The following ACADVL variants were observed in gnomAD, a reference collection of about 807,000 sequenced individuals.
ACADVL encodes the protein very long-chain acyl-CoA dehydrogenase, mitochondrial.
In ACADVL, 73 loss-of-function variants were observed where a neutral mutation model predicts 80.4. The ratio of observed to expected loss-of-function variants is 0.91; its 90% CI spans 0.75 to 1.10. The LOEUF is 1.10. Ranked by LOEUF, ACADVL falls within the 50% of genes least tolerant of loss-of-function variation. The pLI is 0.00. For missense variants in ACADVL, 878 were observed against 858.9 expected, an observed-to-expected ratio of 1.02 and a Z score of -0.28; for synonymous variants, 392 against 326.5, an observed-to-expected ratio of 1.20 and a Z score of -2.16.
At chr17:7,222,485 C>A in intron 9 of ACADVL, 182 bp from the exon 10 acceptor site, 2 of 1,168,318 alleles carry the variant, frequency 1.7e-6, no homozygotes, top group South Asian at 1.5e-5. Flanking sequence ...CCAAGTCCAA[C>A]ACAAAATAGG....
Position 7,220,850 on chromosome 17 carries a change from T to G in ACADVL, c.342+20T>G, listed in dbSNP as rs774230047. 6.2e-7 allele frequency: 1 copy of G among 1,614,060 alleles called. No individual in the cohort carries two copies. Among genetic ancestry groups the G allele is most frequent in the Admixed American group, 1.7e-5 (1 of 60,024 alleles). ...TTCGAGGTAAGGAATGACTCGGGGC[T>G]TGGTCCCTGGTGAGGTGTTTGGAGA... is the stretch of plus-strand genomic sequence containing the variant. On this transcript the variant is annotated intron_variant, in intron 5 of 19. Transcript: ENST00000356839.
upstream of ACADVL, chr17:7,219,663 C>T: frequency 1.5e-6 from 2 of 1,305,778 alleles, no homozygotes; most frequent in East Asian, 3.5e-5. Flanking sequence ...ACCTCCATCC[C>T]TCTGGCTGCA....
chr17:7,219,719 C>T, upstream of ACADVL: 1 of 1,414,704 alleles, frequency 7.1e-7, no homozygotes, highest in Non-Finnish European at 9.2e-7. Flanking sequence ...TCCCATCACC[C>T]CGTCGGAGGA....
At chr17:7,224,605 T>TGCCCCC in intron 17 of ACADVL, 37 bp from the exon 18 acceptor site, 4 of 1,572,994 alleles carry the variant, frequency 2.5e-6, no homozygotes, top group Non-Finnish European at 3.4e-6. Flanking sequence ...TTGAGACTAA[T>TGCCCCC]GCCCCCACCC....
chr17:7,222,610 TC>T (rs1567565145), intron 9 of ACADVL, 56 bp from the exon 10 acceptor site: 2 of 1,520,100 alleles, frequency 1.3e-6, no homozygotes, highest in Admixed American at 3.8e-5. Flanking sequence ...GAGCAGTTTT[TC>T]CCCCAGTGAC....
chr17:7,220,195 C>G lies in ACADVL; in HGVS notation c.136C>G (p.Gln46Glu), dbSNP rs1439614490. The G allele has an allele frequency of 6.5e-7, 1 of 1,532,336 alleles. No homozygotes were observed. The highest frequency in any genetic ancestry group is 8.7e-7 in the Non-Finnish European group (1 of 1,145,576). 94.9% of individuals were successfully genotyped at this position (1,532,336 alleles called of 1,614,324 possible). Residue 46 changes from glutamine to glutamate, a missense_variant and splice_region_variant, in exon 2 of 20, where the codon CAG (glutamine) becomes GAG (glutamate). Gln to Glu is a conservative substitution (Grantham distance 29). Transcript: ENST00000356839. The part of the protein sequence containing the change: ...ARRPYAGGAA[Q>E]LALDKSDSHP... The stretch of plus-strand genomic sequence containing the variant: ...GCGGCCCTATGCCGGGGGTGCCGCT[C>G]AGGTAAGTCACCGCAGCCTTGGCAA...
intron 6 of ACADVL, chr17:7,221,295 C>A: frequency 1.1e-6 from 1 of 923,824 alleles, no homozygotes; most frequent in South Asian, 1.6e-5. Flanking sequence ...TTGGGGATTG[C>A]CTAACAATAG....
rs759999095 is a variant in ACADVL at position 7,222,083 on chromosome 17, C to T, written c.752+2C>T. The T allele has an allele frequency of 6.2e-7, 1 of 1,614,162 alleles. No homozygotes were observed. Among genetic ancestry groups the T allele is most frequent in the Admixed American group, 1.7e-5 (1 of 60,026 alleles). The stretch of plus-strand genomic sequence containing the variant: ...CAATGGAAGCAAGCTTTGGATCAGG[C>T]AACCTGCCTCCCATTTCTCCCCTTC... On this transcript the variant is annotated splice_donor_variant, in intron 8 of 19. Transcript: ENST00000356839. LOFTEE classifies it low-confidence loss of function (GC_TO_GT_DONOR).
At chr17:7,221,392 C>T (rs1181096762) in intron 6 of ACADVL, 146 bp from the exon 7 acceptor site, 2 of 1,406,812 alleles carry the variant, frequency 1.4e-6, no homozygotes, top group Non-Finnish European at 2.0e-6. Flanking sequence ...CACTTCTTTT[C>T]TACACACTGG....
chr17:7,220,004 C>T lies in ACADVL; in HGVS notation c.20C>T (p.Ala7Val). The T allele has an allele frequency of 6.2e-7, 1 of 1,603,890 alleles. No homozygotes were observed. The highest frequency in any genetic ancestry group is 2.2e-5 in the East Asian group (1 of 44,660). MQAARM[A>V]ASLGRQLLRL... ...TCGGAGATGCAGGCGGCTCGGATGGCCGCGAGCTTGGGGCGGCAGCTGCTG... is the reference window on the plus strand; with the variant it reads ...TCGGAGATGCAGGCGGCTCGGATGGTCGCGAGCTTGGGGCGGCAGCTGCTG... The change falls in exon 1 of 20, where the codon GCC becomes GTC. Residue 7 changes from alanine (A) to valine (V), a missense_variant. Physicochemically the swap from Ala to Val is moderately conservative, Grantham distance 64. Transcript: ENST00000356839.
chr17:7,222,415 C>T lies in ACADVL; in HGVS notation c.878+113C>T, dbSNP rs1030338502. 40 of 1,468,712 alleles carry T rather than the reference C, an allele frequency of 2.7e-5. No homozygotes were observed. The Admixed American group carries it at 7.8e-4, about 29-fold the overall frequency. The allele number at this position is 1,468,712 out of a possible 1,614,324, so 91.0% of individuals were successfully genotyped here. On this transcript the variant is annotated intron_variant, in intron 9 of 19. Coordinates refer to ENST00000356839, the MANE Select transcript of ACADVL (RefSeq NM_000018.4). ...GTGTGCAAAAGCCAAAGCAGGTGGA[C>T]TGAATGTGGCCTTTGGGACTAATAT...
intron 2 of ACADVL, 98 bp downstream of exon 2, chr17:7,220,295 C>G: frequency 3.3e-6 from 5 of 1,502,940 alleles, no homozygotes; most frequent in Non-Finnish European, 4.5e-6. Context: ...AGGTACCTGC[C>G]TACTGCTCAG....
chr17:7,217,615 GGGAGAGAGGA>G, upstream of ACADVL: 2 of 1,439,184 alleles, frequency 1.4e-6, no homozygotes, highest in Non-Finnish European at 9.2e-7. Flanking sequence ...AAGAGGGAAG[GGGAGAGAGGA>G]GGAGAGAGGA....
chr17:7,222,843 T>C lies in ACADVL; in HGVS notation c.1055T>C (p.Met352Thr). 1.9e-6 allele frequency: 3 copies of C among 1,612,744 alleles called. No homozygotes were observed. Among genetic ancestry groups the C allele is most frequent in the East Asian group, 2.2e-5 (1 of 44,874 alleles). ...FGMAAALAGTMRGIIAKAVDH... is the reference protein window; with the variant it reads ...FGMAAALAGTTRGIIAKAVDH... ...ATGGCTGCGGCCCTGGCAGGTACCA[T>C]GAGAGGCATCATTGCTAAGGCGGTG... The change falls in exon 10 of 20, where the codon ATG becomes ACG. Residue 352 changes from methionine (M) to threonine (T), a missense_variant. Physicochemically the swap from Met to Thr is moderately conservative, Grantham distance 81 (BLOSUM62 -1). Transcript: ENST00000356839.
rs1057517281 is a variant in ACADVL, at chr17:7,223,193, CAGG to C, written c.1141_1143del (p.Glu381del). 6.2e-7 allele frequency: 1 copy of C among 1,613,986 alleles called. No homozygotes were observed. Among genetic ancestry groups the C allele is most frequent in the Non-Finnish European group, 8.5e-7 (1 of 1,180,006 alleles). ...GAAAATTCACAACTTTGGGCTGATC[CAGG>C]AGAAGCTGGCACGGATGGTTATGCT... is the stretch of plus-strand genomic sequence containing the variant. On this transcript the variant is annotated inframe_deletion, in exon 11 of 20. Transcript: ENST00000356839.
At chr17:7,219,928 G>A, upstream of ACADVL, 1 of 1,573,630 alleles carries the variant, frequency 6.4e-7, no homozygotes, top group Non-Finnish European at 8.6e-7. Flanking sequence ...ACGTGGGCGT[G>A]CAGGACGCCA....
At chr17:7,224,113 G>A (rs1338899641) in intron 14 of ACADVL, 33 bp from the exon 15 acceptor site, 1 of 1,613,660 alleles carries the variant, frequency 6.2e-7, no homozygotes, top group South Asian at 1.1e-5. Context: ...GGAGGACAGT[G>A]AGTCCTGACT....
intron 11 of ACADVL, 126 bp downstream of exon 11, chr17:7,223,363 CG>C: frequency 1.1e-6 from 1 of 949,864 alleles, no homozygotes; most frequent in Non-Finnish European, 1.7e-6. Flanking sequence ...CTAGGGGATG[CG>C]GGGAGGCATA....
At chr17:7,221,793 G>A in intron 7 of ACADVL, 111 bp downstream of exon 7, 2 of 1,594,792 alleles carry the variant, frequency 1.3e-6, no homozygotes, top group South Asian at 1.1e-5. Flanking sequence ...TTGGGGGAAG[G>A]TTTTGGGGAG....
Sources: gnomAD v4.1 joint callset for allele counts on GRCh38, gnomAD v4.1.1 for gene constraint, MANE v1.5 for transcripts, NCBI Gene and HGNC (gene_info 2026-07-23, HGNC 2026-07-21) for gene names.